WDR81: variants seen among roughly 807,000 people sequenced by gnomAD.
The protein encoded by WDR81 is WD repeat-containing protein 81.
In WDR81, 92 loss-of-function variants were observed where a neutral mutation model predicts 140.8. The ratio of observed to expected loss-of-function variants is 0.65; its 90% confidence interval spans 0.55 to 0.78. The LOEUF is 0.78. WDR81 is among the 30% of genes least tolerant of loss of function. The probability of loss-of-function intolerance (pLI) is 0.00; values close to 1 mark genes in which losing one functional copy is unlikely to be tolerated. For synonymous variants in WDR81, 1,183 were observed against 1,156.4 expected, an observed-to-expected ratio of 1.02 and a Z score of -0.47; for missense variants, 2,502 against 2,636.4, an observed-to-expected ratio of 0.95 and a Z score of 1.12.
chr17:1,725,942 C>T lies in WDR81; in HGVS notation c.983C>T (p.Ser328Phe). The change falls in exon 1 of 10, where the codon TCT becomes TTT. Residue 328 changes from serine to phenylalanine, a missense_variant. By Grantham distance (155) the Ser-to-Phe change is radical. Coordinates refer to ENST00000409644, the MANE Select transcript of WDR81 (RefSeq NM_001163809.2). Reference protein sequence around the residue: ...PVARDEAGIVSQEEQGGQPGQ... With the variant: ...PVARDEAGIVFQEEQGGQPGQ... ...GCAAGGGATGAGGCGGGCATTGTGT[C>T]TCAAGAGGAGCAGGGAGGGCAACCT... The T allele has an allele frequency of 1.3e-6, 2 of 1,550,718 alleles. No individual in the cohort carries two copies. Among genetic ancestry groups the T allele is most frequent in the Non-Finnish European group, 8.7e-7 (1 of 1,146,940 alleles).
At chr17:1,716,980 C>T (rs1914602530) in intron 1 of WDR81, 1 of 415,266 alleles carries the variant, frequency 2.4e-6, no homozygotes, top group Non-Finnish European at 4.4e-6. Flanking sequence ...CCAGAAGAGC[C>T]CCCAGAGCCT....
chr17:1,722,123 TA>T (rs1026544182), upstream of WDR81, among the ~76,000 whole-genome samples: 17 of 147,302 alleles, frequency 1.2e-4, no homozygotes, highest in African/African-American at 7.4e-5. Context: ...AACTCTGTCT[TA>T]AAAAAAAAAA....
chr17:1,732,733 A>T lies in WDR81; in HGVS notation c.4391A>T (p.Gln1464Leu). The T allele has an allele frequency of 6.2e-7, 1 of 1,612,950 alleles. No homozygotes were observed. The highest frequency in any genetic ancestry group is 8.5e-7 in the Non-Finnish European group (1 of 1,179,948). ...CCACAGGTGGTCTTCTCTGATGGGC[A>T]GCAGCGGCCCGTGGACCCCGCCCTG... Reference protein sequence around the residue: ...QLPQVVFSDGQQRPVDPALLD... With the variant: ...QLPQVVFSDGLQRPVDPALLD... Residue 1464 changes from glutamine to leucine, a missense_variant, in exon 6 of 10, where the codon CAG becomes CTG. By Grantham distance (113) the Gln-to-Leu change is moderately radical. Transcript: ENST00000409644.
chr17:1,734,348 A>G (rs1904667091), intron 7 of WDR81, 132 bp downstream of exon 7: 8 of 1,080,830 alleles, frequency 7.4e-6, no homozygotes, highest in African/African-American at 2.0e-5. Context: ...CTAGGAGAAC[A>G]GTTAGGGCTT....
At position 1,738,084 on chromosome 17, in the gene WDR81, T is replaced by G; in HGVS notation, c.*399T>G. 1 of 280,906 alleles carries G rather than the reference T, an allele frequency of 3.6e-6. No individual in the cohort carries two copies. Among genetic ancestry groups the G allele is most frequent in the Non-Finnish European group, 6.8e-6 (1 of 146,434 alleles). 17.4% of individuals were successfully genotyped at this position (280,906 alleles called of 1,614,324 possible). A position where few individuals can be genotyped will look rare whatever the true frequency, so the allele number is the denominator to read the frequency against. On this transcript the variant is annotated 3_prime_UTR_variant, in exon 10 of 10. Transcript: ENST00000409644. ...CCCTCAGCCCCCGCTGGGCACTCTC[T>G]GTCCCATCCCTCTAGGACAGGGAAG...
chr17:1,718,396 G>A (rs1304172029), intron 1 of WDR81, among the ~76,000 whole-genome samples: 1 of 152,218 alleles, frequency 6.6e-6, no homozygotes. Flanking sequence ...AGGATTATAG[G>A]CGTGTGAGCC....
rs1315630585 is a variant in WDR81 at position 1,725,242 on chromosome 17, G to A, written c.283G>A (p.Val95Met). The change falls in exon 1 of 10, where the codon GTG becomes ATG. Residue 95 changes from valine (V) to methionine (M), a missense_variant. Physicochemically the swap from Val to Met is conservative, Grantham distance 21 (BLOSUM62 1). Transcript: ENST00000409644. ...AEVRTLLQRS[V>M]QRLPAGWTRV... ...AGTCAGGACTCTCCTGCAGCGCTCT[G>A]TGCAAAGGCTGCCTGCCGGCTGGAC... 2 of 1,542,226 alleles carry A rather than the reference G, an allele frequency of 1.3e-6. No individual in the cohort carries two copies. Among genetic ancestry groups the A allele is most frequent in the Admixed American group, 2.0e-5 (1 of 51,012 alleles).
upstream of WDR81, chr17:1,724,532 G>A: frequency 2.0e-6 from 2 of 986,780 alleles, no homozygotes; most frequent in South Asian, 4.7e-5. Flanking sequence ...GGCCCGGCTG[G>A]AGCTGGCTGG....
rs1424641350 is a variant in WDR81, at chr17:1,725,103, C to G, written c.144C>G (p.Ala48=). The part of the protein sequence containing the change: ...LSIDPRQLAP[A]PGGTHVVALV... Reference sequence around the variant, plus strand: ...TCGATCCCAGGCAGCTGGCTCCGGCCCCGGGGGGCACCCACGTGGTGGCCC... The same window carrying G: ...TCGATCCCAGGCAGCTGGCTCCGGCGCCGGGGGGCACCCACGTGGTGGCCC... Residue 48 remains alanine, a synonymous_variant, in exon 1 of 10, where the codon GCC becomes GCG. Transcript: ENST00000409644. 2 of 1,508,922 alleles carry G rather than the reference C, an allele frequency of 1.3e-6. No homozygotes were observed. The highest frequency in any genetic ancestry group is 1.8e-6 in the Non-Finnish European group (2 of 1,129,652). The allele number at this position is 1,508,922 out of a possible 1,614,324, so 93.5% of individuals were successfully genotyped here.
intron 9 of WDR81, among the ~76,000 whole-genome samples, chr17:1,736,984 C>T (rs1361154941): frequency 6.6e-6 from 1 of 152,178 alleles, no homozygotes; most frequent in Non-Finnish European, 1.5e-5. Flanking sequence ...GGTGTTAATC[C>T]CAGCTCTGCT....
At chr17:1,716,624 A>T (rs1312328599) in exon 1 of WDR81, 3 of 1,551,712 alleles carry the variant, frequency 1.9e-6, no homozygotes, top group South Asian at 1.2e-5. Flanking sequence ...CCCAGAACCC[A>T]GCGCGCTCTG....
rs535471918 is a variant in WDR81, at chr17:1,727,950, G to A, written c.2991G>A (p.Leu997=). Residue 997 remains leucine (L), a synonymous_variant, in exon 1 of 10, where the codon CTG becomes CTA. Coordinates refer to ENST00000409644, the MANE Select transcript of WDR81 (RefSeq NM_001163809.2). ...FVAQLMVRLG[L]QAFLTHLLPH... ...CCCAGCTGATGGTGCGGCTGGGCCT[G>A]CAGGCATTTCTCACTCACCTGCTGC... 3 of 1,550,246 alleles carry A rather than the reference G, an allele frequency of 1.9e-6. No individual in the cohort carries two copies. In the East Asian group the frequency reaches 7.3e-5, roughly 38 times the overall value.
chr17:1,730,400 C>T lies in WDR81; in HGVS notation c.3688C>T (p.Arg1230Cys), dbSNP rs146081272. 236 of 1,612,914 alleles carry T rather than the reference C, an allele frequency of 1.5e-4. No individual in the cohort carries two copies. The East Asian group carries it at 2.9e-3, about 20-fold the overall frequency. Residue 1230 changes from arginine to cysteine, a missense_variant, in exon 2 of 10, where the codon CGC becomes TGC. This residue lies in a region of WDR81 where 1,737 missense variants were observed against 1,843.0 expected (regional missense o/e 0.94). Transcript: ENST00000409644. ...ILLDTACKMV[R>C]WLSAKLGPTV... ...CGCAGATACAGCCTGCAAGATGGTCCGCTGGCTGTCTGCCAAGCTCGGCCC... is the reference window on the plus strand; with the variant it reads ...CGCAGATACAGCCTGCAAGATGGTCTGCTGGCTGTCTGCCAAGCTCGGCCC...
At chr17:1,729,631 A>G (rs1487701623) in intron 1 of WDR81, among the ~76,000 whole-genome samples, 1 of 152,128 alleles carries the variant, frequency 6.6e-6, no homozygotes, top group East Asian at 1.9e-4. Context: ...AGGGAACAGC[A>G]TGTGTGAGGC....
Position 1,733,804 on chromosome 17 carries a change from TGGCGGG to T in WDR81, c.4771_4776del (p.Gly1591_Gly1592del). 6.2e-7 allele frequency: 1 copy of T among 1,612,016 alleles called. No homozygotes were observed. Among genetic ancestry groups the T allele is most frequent in the African/African-American group, 1.3e-5 (1 of 74,970 alleles). ...CACTGGGCCCCATCTCGGGGGTGGG[TGGCGGG>T]GGCCTGGGCAGCGGGAGCGACGACA... On this transcript the variant is annotated inframe_deletion, in exon 7 of 10. Coordinates refer to ENST00000409644, the MANE Select transcript of WDR81 (RefSeq NM_001163809.2).
rs1445709530 is a variant in WDR81, at chr17:1,735,035, T to A, written c.5180-537T>A. Among the ~76,000 whole-genome samples the A allele has an allele frequency of 6.6e-6, 1 of 151,440 alleles. No homozygotes were observed. The highest frequency in any genetic ancestry group is 1.5e-5 in the Non-Finnish European group (1 of 67,820). ...AAGGTGGGAGAGTCAAGAAACATCTTTAGGCCGATGCAGTGGCTCACGCCT... is the reference window on the plus strand; with the variant it reads ...AAGGTGGGAGAGTCAAGAAACATCTATAGGCCGATGCAGTGGCTCACGCCT... On this transcript the variant is annotated intron_variant, in intron 7 of 9. Transcript: ENST00000409644. This position sits in a 1 kb window ranked among gnomAD's most constrained non-coding sequence, Gnocchi z 4.2.
upstream of WDR81, among the ~76,000 whole-genome samples, chr17:1,723,451 ATTTATT>A (rs1358213768): frequency 1.2e-4 from 14 of 121,530 alleles, no homozygotes; most frequent in East Asian, 2.4e-3. Context: ...ATTTTTATTT[ATTTATT>A]TTTATTTATT....
In WDR81 at chr17:1,733,809, G is replaced by A. The variant is rs1305159839; in HGVS notation, c.4772G>A (p.Gly1591Glu). 3.1e-6 allele frequency: 5 copies of A among 1,612,114 alleles called. No individual in the cohort carries two copies. Among genetic ancestry groups the A allele is most frequent in the Non-Finnish European group, 4.2e-6 (5 of 1,179,616 alleles). The change falls in exon 7 of 10, where the codon GGG becomes GAG. Residue 1591 changes from glycine (G) to glutamate (E), a missense_variant. Gly to Glu is a moderately conservative substitution (Grantham distance 98, BLOSUM62 -2). This residue lies in a region of WDR81 where 1,737 missense variants were observed against 1,843.0 expected (regional missense o/e 0.94). Coordinates refer to ENST00000409644, the MANE Select transcript of WDR81 (RefSeq NM_001163809.2). ...GGCCCCATCTCGGGGGTGGGTGGCG[G>A]GGGCCTGGGCAGCGGGAGCGACGAC... ...PLGPISGVGG[G>E]GLGSGSDDNA...
At chr17:1,730,622 A>G in intron 2 of WDR81, 133 bp from the exon 3 acceptor site, 2 of 1,409,192 alleles carry the variant, frequency 1.4e-6, no homozygotes, top group Non-Finnish European at 9.5e-7. Flanking sequence ...GTCCCAGTCT[A>G]AGTGCCAGCC....
Sources: allele counts gnomAD v4.1 joint callset (sites outside exome capture counted in the v4.1 genomes callset), GRCh38; gene constraint gnomAD v4.1.1; regional missense constraint gnomAD v4.1.1; non-coding constraint Gnocchi (gnomAD v3.1); transcripts MANE v1.5; gene names NCBI Gene and HGNC (gene_info 2026-07-23, HGNC 2026-07-21).